COL23A1: variants seen among roughly 807,000 people sequenced by gnomAD.
COL23A1 encodes collagen type XXIII alpha 1 chain.
Under a neutral mutation model 99.3 loss-of-function variants are expected in COL23A1, and 97 were observed. The observed-to-expected ratio is 0.98, with a 90% CI of 0.83 to 1.16. The LOEUF (loss-of-function observed/expected upper bound fraction) is 1.16. COL23A1 is among the 50% of genes most tolerant of loss of function. The pLI is 0.00. For missense variants in COL23A1, 762 were observed against 757.4 expected (o/e 1.01, Z -0.07); for synonymous variants, 320 against 308.2 (o/e 1.04, Z -0.40).
chr5:178,525,978 C>T (rs1760282377), intron 2 of COL23A1, among the ~76,000 whole-genome samples: 2 of 152,138 alleles, frequency 1.3e-5, no homozygotes, highest in East Asian at 3.9e-4. Flanking sequence ...CAAACTCATA[C>T]AAACTTGAAG....
intron 2 of COL23A1, among the ~76,000 whole-genome samples, chr5:178,377,105 A>C (rs1429269598): frequency 6.6e-6 from 1 of 152,228 alleles, no homozygotes; most frequent in Non-Finnish European, 1.5e-5. Flanking sequence ...AGCCGGTTGC[A>C]GATTGATGGG....
At chr5:178,264,337 TA>T (rs34489295) in intron 8 of COL23A1, among the ~76,000 whole-genome samples, 62,049 of 141,306 alleles carry the variant, frequency 0.44, 14,181 homozygotes, top group East Asian at 0.65. Context: ...AAAATAAAAG[TA>T]AAAAAAAAAA....
At chr5:178,450,349 G>A (rs1305424135) in intron 2 of COL23A1, among the ~76,000 whole-genome samples, 1 of 152,192 alleles carries the variant, frequency 6.6e-6, no homozygotes, top group African/African-American at 2.4e-5. Flanking sequence ...ACAGATGGGA[G>A]CAGCTTCCTT....
chr5:178,320,231 C>A (rs1202606742), intron 2 of COL23A1, among the ~76,000 whole-genome samples: 1 of 152,252 alleles, frequency 6.6e-6, no homozygotes, highest in Non-Finnish European at 1.5e-5. Context: ...TCCCTGAGGG[C>A]AGGGCTCCTG....
intron 2 of COL23A1, among the ~76,000 whole-genome samples, chr5:178,431,500 T>C (rs1220941030): frequency 6.6e-6 from 1 of 152,202 alleles, no homozygotes; most frequent in African/African-American, 2.4e-5. Context: ...ACGGGGAGAC[T>C]ATTCTAGATT....
At chr5:178,588,661 A>G (rs891437655) in intron 1 of COL23A1, among the ~76,000 whole-genome samples, 6 of 152,236 alleles carry the variant, frequency 3.9e-5, no homozygotes, top group African/African-American at 1.4e-4. Flanking sequence ...GAACCCAGCT[A>G]GAAGAGATGT....
intron 2 of COL23A1, among the ~76,000 whole-genome samples, chr5:178,353,507 T>C (rs964303416): frequency 1.3e-5 from 2 of 151,826 alleles, no homozygotes; most frequent in Admixed American, 6.6e-5. Context: ...AAAAGAAGAG[T>C]GAACCAAGGA....
intron 5 of COL23A1, 147 bp downstream of exon 5, chr5:178,288,177 C>T (rs1047571641): frequency 6.2e-6 from 5 of 812,104 alleles, no homozygotes; most frequent in Admixed American, 1.7e-5. Context: ...CTCCCCAGAG[C>T]TCACGCTAAT....
chr5:178,353,674 G>A (rs964351977), intron 2 of COL23A1, among the ~76,000 whole-genome samples: 41 of 152,234 alleles, frequency 2.7e-4, no homozygotes, highest in African/African-American at 9.9e-4. Flanking sequence ...CCACTTCCTG[G>A]GAAGCACATC....
chr5:178,483,788 C>G (rs976035494), intron 2 of COL23A1, among the ~76,000 whole-genome samples: 1 of 152,258 alleles, frequency 6.6e-6, no homozygotes, highest in Non-Finnish European at 1.5e-5. Context: ...GCACGTGGAG[C>G]CCGTGCAGCG....
intron 2 of COL23A1, among the ~76,000 whole-genome samples, chr5:178,388,718 G>C (rs1763801546): frequency 6.6e-6 from 1 of 152,166 alleles, no homozygotes; most frequent in Admixed American, 6.5e-5. Flanking sequence ...CTCCAGCCCA[G>C]CCCAGCCATC....
chr5:178,345,154 A>G (rs985382878), intron 2 of COL23A1: 15 of 659,630 alleles, frequency 2.3e-5, no homozygotes, highest in Non-Finnish European at 3.9e-5. Context: ...TGGCACATTT[A>G]GCTGATGGCC....
At chr5:178,301,452 G>C (rs1467139054) in intron 3 of COL23A1, among the ~76,000 whole-genome samples, 1 of 152,046 alleles carries the variant, frequency 6.6e-6, no homozygotes, top group South Asian at 2.1e-4. Context: ...AGTTTCTATT[G>C]ACTGTACTTT....
chr5:178,470,805 C>T lies in COL23A1; in HGVS notation c.361+89877G>A, dbSNP rs572677611. 1.3e-4 allele frequency among the ~76,000 whole-genome samples: 20 copies of T among 152,334 alleles called. 2 individuals carry two copies. The South Asian group carries it at 3.9e-3, about 30-fold the overall frequency. ...ATACCTCCTGTCTCAAGGAGCCCACCGCCTCCAGGGCCCCACTGAGCGGCC... is the reference window on the plus strand; with the variant it reads ...ATACCTCCTGTCTCAAGGAGCCCACTGCCTCCAGGGCCCCACTGAGCGGCC... On this transcript the variant is annotated intron_variant, in intron 2 of 28. Transcript: ENST00000390654.
intron 2 of COL23A1, among the ~76,000 whole-genome samples, chr5:178,420,140 G>A (rs1050364696): frequency 2.6e-5 from 4 of 152,188 alleles, no homozygotes; most frequent in African/African-American, 9.7e-5. Flanking sequence ...TTTTCAGCAA[G>A]TCTGAGTTTC....
intron 1 of COL23A1, among the ~76,000 whole-genome samples, chr5:178,582,880 G>C (rs1251412029): frequency 6.6e-6 from 1 of 152,240 alleles, no homozygotes; most frequent in South Asian, 2.1e-4. Flanking sequence ...CCTGGGAGTA[G>C]GTGGCCTGAC....
chr5:178,396,890 T>C (rs1054819264), intron 2 of COL23A1, among the ~76,000 whole-genome samples: 1 of 152,178 alleles, frequency 6.6e-6, no homozygotes, highest in African/African-American at 2.4e-5. Context: ...CAGGACTGTT[T>C]GGCGTGGACT....
intron 2 of COL23A1, among the ~76,000 whole-genome samples, chr5:178,379,121 G>A (rs545381322): frequency 2.9e-4 from 44 of 152,104 alleles, no homozygotes; most frequent in Admixed American, 9.2e-4. Flanking sequence ...AGCTCAAAGG[G>A]TTTGGCTAAC....
At position 178,488,044 on chromosome 5, in the gene COL23A1, G is replaced by C. The variant is rs116719249; in HGVS notation, c.361+72638C>G. ...AGGATATGAAGGCATGACTTCACTGGGCTACTGTGAGAATGATGAGAATAA... is the reference window on the plus strand; with the variant it reads ...AGGATATGAAGGCATGACTTCACTGCGCTACTGTGAGAATGATGAGAATAA... On this transcript the variant is annotated intron_variant, in intron 2 of 28. Coordinates refer to ENST00000390654, the MANE Select transcript of COL23A1 (RefSeq NM_173465.4). Among the ~76,000 whole-genome samples, 972 of 152,282 alleles carry C rather than the reference G, an allele frequency of 6.4e-3. 13 individuals are homozygous for C. Among genetic ancestry groups the C allele is most frequent in the African/African-American group, 0.02 (838 of 41,536 alleles).
Sources: allele counts gnomAD v4.1 joint callset (sites outside exome capture counted in the v4.1 genomes callset), GRCh38; gene constraint gnomAD v4.1.1; transcripts MANE v1.5; gene names NCBI Gene and HGNC (gene_info 2026-07-23, HGNC 2026-07-21).